The following IPMK variants were observed in gnomAD, a reference collection of about 807,000 sequenced individuals.
IPMK encodes inositol 1,3,4,6-tetrakisphosphate 5-kinase.
IPMK carries 17 observed loss-of-function variants against 45.8 expected under a neutral mutation model. The observed-to-expected ratio is 0.37, with a 90% CI of 0.25 to 0.56. The LOEUF (loss-of-function observed/expected upper bound fraction) is 0.56, where lower values mean the gene tolerates loss of function less well. Among genes scored for constraint, IPMK ranks in the 20% least tolerant of loss-of-function variants. The pLI is 0.79. For missense variants in IPMK, 399 were observed against 498.0 expected (o/e 0.80, Z 1.89); for synonymous variants, 180 against 184.3 (o/e 0.98, Z 0.19).
Position 58,196,025 on chromosome 10 carries a change from C to A in IPMK, c.*51G>T. On this transcript the variant is annotated 3_prime_UTR_variant, in exon 6 of 6. Transcript: ENST00000373935. Reference sequence around the variant, plus strand: ...GCATTAAAGGTGCAGATATTGACTGCCCCTCTTCATTATGATTGGCCCACC... The same window carrying A: ...GCATTAAAGGTGCAGATATTGACTGACCCTCTTCATTATGATTGGCCCACC... The A allele has an allele frequency of 6.5e-7, 1 of 1,533,620 alleles. No homozygotes were observed. The highest frequency in any genetic ancestry group is 1.2e-5 in the South Asian group (1 of 80,456).
At chr10:58,263,782 C>A (rs931908771) in intron 1 of IPMK, among the ~76,000 whole-genome samples, 6 of 152,212 alleles carry the variant, frequency 3.9e-5, no homozygotes, top group African/African-American at 1.4e-4. Flanking sequence ...TATTGTTGGC[C>A]TCCACTTACA....
chr10:58,233,524 A>G (rs1393426502), intron 2 of IPMK, among the ~76,000 whole-genome samples: 2 of 152,228 alleles, frequency 1.3e-5, no homozygotes, highest in Non-Finnish European at 2.9e-5. Flanking sequence ...TAACATACGC[A>G]AATCAATAAA....
At chr10:58,245,644 A>G (rs1838788059) in intron 1 of IPMK, among the ~76,000 whole-genome samples, 1 of 151,860 alleles carries the variant, frequency 6.6e-6, no homozygotes, top group Non-Finnish European at 1.5e-5. Flanking sequence ...AGTCCCAGAG[A>G]GACGTATCTC....
At chr10:58,245,890 T>G (rs1393506517) in intron 1 of IPMK, among the ~76,000 whole-genome samples, 1 of 132,278 alleles carries the variant, frequency 7.6e-6, no homozygotes, top group East Asian at 2.3e-4. Flanking sequence ...GACATGATTG[T>G]ATATTTAGAA....
intron 3 of IPMK, among the ~76,000 whole-genome samples, chr10:58,219,088 T>C (rs376218523): frequency 2.6e-5 from 4 of 152,356 alleles, no homozygotes; most frequent in African/African-American, 9.6e-5. Context: ...TTTCATATGG[T>C]TGGAATTACC....
At chr10:58,219,403 T>C (rs1260041890) in intron 3 of IPMK, among the ~76,000 whole-genome samples, 1 of 152,240 alleles carries the variant, frequency 6.6e-6, no homozygotes. Flanking sequence ...AGATTTTTAC[T>C]GATTTACAGG....
intron 4 of IPMK, among the ~76,000 whole-genome samples, chr10:58,209,563 C>T (rs753871177): frequency 3.9e-5 from 6 of 152,206 alleles, no homozygotes; most frequent in East Asian, 1.9e-4. Context: ...CTCCAGGCTC[C>T]GGTATGTGCT....
chr10:58,265,104 T>C (rs1839130699), intron 1 of IPMK, among the ~76,000 whole-genome samples: 1 of 152,228 alleles, frequency 6.6e-6, no homozygotes, highest in Non-Finnish European at 1.5e-5. Context: ...ATGGTTTCAG[T>C]GAAGAACACA....
At chr10:58,205,417 A>G (rs908679809) in intron 4 of IPMK, among the ~76,000 whole-genome samples, 2 of 152,220 alleles carry the variant, frequency 1.3e-5, no homozygotes, top group Admixed American at 6.5e-5. Context: ...AAGATGCTCA[A>G]CATCATTAAT....
chr10:58,211,925 A>AAAAAAAAAAAAAAAAAAAAAAAAT (rs1564529770), intron 4 of IPMK, among the ~76,000 whole-genome samples: 1 of 147,352 alleles, frequency 6.8e-6, no homozygotes, highest in Non-Finnish European at 1.5e-5. Context: ...AAAAAAAAAA[A>AAAAAAAAAAAAAAAAAAAAAAAAT]TTTGTTTTCA....
Position 58,215,319 on chromosome 10 carries a change from C to A in IPMK, c.546+826G>T, listed in dbSNP as rs183932453. Among the ~76,000 whole-genome samples the A allele has an allele frequency of 1.8e-3, 269 of 151,842 alleles. 1 individual carries two copies. The highest frequency in any genetic ancestry group is 6.3e-3 in the African/African-American group (259 of 41,372). ...GCACACTTGAGACTAGCTCAAATTG[C>A]AAATTCACAGAATTGTGAGAAAATG... On this transcript the variant is annotated intron_variant, in intron 4 of 5. Transcript: ENST00000373935.
intron 4 of IPMK, among the ~76,000 whole-genome samples, chr10:58,205,202 A>G (rs960732166): frequency 1.3e-5 from 2 of 152,212 alleles, no homozygotes; most frequent in Admixed American, 6.5e-5. Context: ...CCAAAAGCCT[A>G]GGTAACAAAA....
chr10:58,224,370 G>T (rs74669424), intron 3 of IPMK, among the ~76,000 whole-genome samples: 1 of 152,150 alleles, frequency 6.6e-6, no homozygotes, highest in Non-Finnish European at 1.5e-5. Context: ...TTTATACACA[G>T]GTACAAAAGA....
chr10:58,197,338 C>A (rs75577437), intron 5 of IPMK, among the ~76,000 whole-genome samples: 65 of 89,532 alleles, frequency 7.3e-4, no homozygotes, highest in African/African-American at 2.5e-3. Flanking sequence ...TACATAAATA[C>A]ATAAACACAT....
At chr10:58,232,071 G>C (rs1293282782) in intron 2 of IPMK, among the ~76,000 whole-genome samples, 1 of 152,058 alleles carries the variant, frequency 6.6e-6, no homozygotes, top group Admixed American at 6.6e-5. Context: ...AAGATCAAAA[G>C]AGACAAAGAA....
intron 4 of IPMK, among the ~76,000 whole-genome samples, chr10:58,205,837 T>G (rs1838061842): frequency 6.6e-6 from 1 of 152,196 alleles, no homozygotes. Context: ...TTAAATAATT[T>G]TTTAAAAAAT....
chr10:58,224,945 G>T (rs1432174615), intron 3 of IPMK, among the ~76,000 whole-genome samples: 3 of 152,156 alleles, frequency 2.0e-5, no homozygotes, highest in Non-Finnish European at 4.4e-5. Flanking sequence ...ACAGAAAGAT[G>T]ATTCTATGAA....
At chr10:58,235,887 A>G (rs1838604830) in intron 2 of IPMK, among the ~76,000 whole-genome samples, 1 of 152,122 alleles carries the variant, frequency 6.6e-6, no homozygotes, top group Non-Finnish European at 1.5e-5. Context: ...GGTAAGTTCT[A>G]TCAAGCCTTT....
At chr10:58,252,053 CT>C (rs1359812033) in intron 1 of IPMK, among the ~76,000 whole-genome samples, 1 of 152,122 alleles carries the variant, frequency 6.6e-6, no homozygotes, top group Non-Finnish European at 1.5e-5. Context: ...TCTTTTCTTC[CT>C]TTTTTCCACT....
Sources: allele counts gnomAD v4.1 joint callset (sites outside exome capture counted in the v4.1 genomes callset), GRCh38; gene constraint gnomAD v4.1.1; transcripts MANE v1.5; gene names NCBI Gene and HGNC (gene_info 2026-07-23, HGNC 2026-07-21).